Variants in NDST4 observed in about 807,000 individuals in gnomAD.
NDST4 encodes the protein N-deacetylase and N-sulfotransferase 4, also known as N-heparan sulfate sulfotransferase 4.
Under a neutral mutation model 100.8 loss-of-function variants are expected in NDST4, and 63 were observed. The ratio of observed to expected loss-of-function variants is 0.62; its 90% CI spans 0.51 to 0.77. NDST4 has a LOEUF of 0.77. NDST4 is among the 30% of genes least tolerant of loss of function. NDST4 has a pLI of 0.00. For missense variants in NDST4, 943 were observed against 1,018.4 expected (o/e 0.93, Z 1.01); for synonymous variants, 377 against 361.8 (o/e 1.04, Z -0.48).
In NDST4 at chr4:115,077,086, T is replaced by C; in HGVS notation, c.-50A>G. 4 of 1,496,780 alleles carry C rather than the reference T, an allele frequency of 2.7e-6. No individual in the cohort carries two copies. Among genetic ancestry groups the C allele is most frequent in the Non-Finnish European group, 1.8e-6 (2 of 1,115,118 alleles). The allele number at this position is 1,496,780 out of a possible 1,614,324, so 92.7% of individuals were successfully genotyped here. ...TTTTTCCCAATTTCGTTTCCTAAAG[T>C]GCCATAGTGAATAAAGTATGAGATG... On this transcript the variant is annotated 5_prime_UTR_variant, in exon 2 of 14. Coordinates refer to ENST00000264363, the MANE Select transcript of NDST4 (RefSeq NM_022569.3).
At chr4:114,963,025 A>G (rs1361517410) in intron 4 of NDST4, among the ~76,000 whole-genome samples, 1 of 152,150 alleles carries the variant, frequency 6.6e-6, no homozygotes, top group Admixed American at 6.6e-5. Context: ...TTAAACATAA[A>G]GTTAGTGACC....
At chr4:115,083,594 T>C (rs1224614574) in intron 1 of NDST4, among the ~76,000 whole-genome samples, 1 of 152,220 alleles carries the variant, frequency 6.6e-6, no homozygotes. Flanking sequence ...TTTGGCTGTG[T>C]CCTCACCCAA....
intron 6 of NDST4, among the ~76,000 whole-genome samples, chr4:114,880,394 T>C (rs896700446): frequency 6.6e-6 from 1 of 152,136 alleles, no homozygotes; most frequent in Non-Finnish European, 1.5e-5. Context: ...TTACTCTTTT[T>C]AAGAGATTAA....
At chr4:115,033,231 G>A (rs1211704788) in intron 2 of NDST4, among the ~76,000 whole-genome samples, 1 of 144,376 alleles carries the variant, frequency 6.9e-6, no homozygotes, top group East Asian at 2.0e-4. Flanking sequence ...ATGGCTCACT[G>A]CAGCACTGAT....
chr4:114,926,272 A>G (rs1032139049), intron 6 of NDST4, among the ~76,000 whole-genome samples: 5 of 152,208 alleles, frequency 3.3e-5, no homozygotes, highest in Admixed American at 2.6e-4. Context: ...TTGAAATCCC[A>G]TTGAAATGGC....
intron 6 of NDST4, among the ~76,000 whole-genome samples, chr4:114,904,488 T>C (rs1437136730): frequency 6.6e-6 from 1 of 151,948 alleles, no homozygotes; most frequent in Non-Finnish European, 1.5e-5. Flanking sequence ...TCTCTTTATT[T>C]GCTTATGATA....
At chr4:115,030,834 T>C (rs893516225) in intron 2 of NDST4, among the ~76,000 whole-genome samples, 2 of 152,068 alleles carry the variant, frequency 1.3e-5, no homozygotes, top group Non-Finnish European at 2.9e-5. Flanking sequence ...CTATCGAGAA[T>C]AGTGTTACAA....
chr4:114,939,133 T>C lies in NDST4; in HGVS notation c.1222-1630A>G, dbSNP rs139953602. Among the ~76,000 whole-genome samples the C allele has an allele frequency of 3.5e-3, 540 of 152,296 alleles. 4 individuals carry two copies. The highest frequency in any genetic ancestry group is 0.012 in the African/African-American group (493 of 41,562). Reference sequence around the variant, plus strand: ...CCTTAGTTCTCTCAGGTTTCTTCCATGCTCGCCAATGAGTGGTCACAAAGT... The same window carrying C: ...CCTTAGTTCTCTCAGGTTTCTTCCACGCTCGCCAATGAGTGGTCACAAAGT... On this transcript the variant is annotated intron_variant, in intron 4 of 13. Coordinates refer to ENST00000264363, the MANE Select transcript of NDST4 (RefSeq NM_022569.3).
intron 10 of NDST4, among the ~76,000 whole-genome samples, chr4:114,845,191 G>A (rs1723518096): frequency 6.6e-6 from 1 of 152,078 alleles, no homozygotes; most frequent in Non-Finnish European, 1.5e-5. Flanking sequence ...AAATAGGCGG[G>A]TGTGGTGGTG....
intron 2 of NDST4, among the ~76,000 whole-genome samples, chr4:114,978,373 T>A (rs1233666462): frequency 6.6e-6 from 1 of 151,966 alleles, no homozygotes; most frequent in Admixed American, 6.6e-5. Context: ...TCCTGTACAT[T>A]AGTTTAATTA....
intron 6 of NDST4, among the ~76,000 whole-genome samples, chr4:114,890,514 A>G (rs951938902): frequency 6.6e-6 from 1 of 152,122 alleles, no homozygotes; most frequent in Admixed American, 6.6e-5. Context: ...TTTTCACTAA[A>G]TATATGGAGA....
chr4:114,872,773 TA>T (rs2126197598), intron 6 of NDST4, among the ~76,000 whole-genome samples: 1 of 152,126 alleles, frequency 6.6e-6, no homozygotes, highest in African/African-American at 2.4e-5. Flanking sequence ...ACAGAGCAGT[TA>T]AGTAACTTGT....
chr4:114,901,954 A>G (rs1313302329), intron 6 of NDST4, among the ~76,000 whole-genome samples: 1 of 151,998 alleles, frequency 6.6e-6, no homozygotes, highest in Non-Finnish European at 1.5e-5. Context: ...CTTTTAAGAA[A>G]AGAAATCCTA....
At chr4:114,880,794 T>C (rs752185255) in intron 6 of NDST4, among the ~76,000 whole-genome samples, 13 of 152,284 alleles carry the variant, frequency 8.5e-5, no homozygotes, top group Middle Eastern at 3.4e-3. Flanking sequence ...TGTTGTTCTA[T>C]AATATCACAC....
At chr4:115,050,101 C>T (rs1044936608) in intron 2 of NDST4, among the ~76,000 whole-genome samples, 7 of 152,036 alleles carry the variant, frequency 4.6e-5, no homozygotes, top group Non-Finnish European at 1.0e-4. Flanking sequence ...TTATATATTC[C>T]TACCAATCCC....
chr4:114,833,682 C>G lies in NDST4; in HGVS notation c.2320G>C (p.Asp774His), dbSNP rs775356733. 6 of 1,611,328 alleles carry G rather than the reference C, an allele frequency of 3.7e-6. No homozygotes were observed. In the East Asian group the frequency reaches 1.3e-4, roughly 36 times the overall value. Residue 774 changes from aspartate (D) to histidine (H), a missense_variant, in exon 12 of 14, where the codon GAC becomes CAC. Transcript: ENST00000264363. ...ACTTCATCCATCACAGTAGCTGGGT[C>G]AGATCTCAGCTGCTGTCCATCAATA... is the stretch of plus-strand genomic sequence containing the variant. ...LIIDGQQLRSDPATVMDEVQK... is the reference protein window; with the variant it reads ...LIIDGQQLRSHPATVMDEVQK...
chr4:115,091,958 C>A (rs1311203613), intron 1 of NDST4, among the ~76,000 whole-genome samples: 1 of 151,978 alleles, frequency 6.6e-6, no homozygotes, highest in African/African-American at 2.4e-5. Context: ...ATATAAGATG[C>A]AAACTATATA....
intron 4 of NDST4, among the ~76,000 whole-genome samples, chr4:114,944,758 TA>T (rs143581325): frequency 0.31 from 46,429 of 152,044 alleles, 7,630 homozygotes; most frequent in Non-Finnish European, 0.38. Flanking sequence ...TTTGTGAAGA[TA>T]ACCACATCTT....
chr4:115,036,878 T>A (rs1728244194), intron 2 of NDST4, among the ~76,000 whole-genome samples: 1 of 152,064 alleles, frequency 6.6e-6, no homozygotes, highest in Admixed American at 6.6e-5. Flanking sequence ...ACTTGTTTAT[T>A]TTCATACTGA....
Sources: gnomAD v4.1 joint callset for allele counts (sites outside exome capture counted in the v4.1 genomes callset) on GRCh38, gnomAD v4.1.1 for gene constraint, MANE v1.5 for transcripts, NCBI Gene and HGNC (gene_info 2026-07-23, HGNC 2026-07-21) for gene names.